CELF4: variants seen among roughly 807,000 people sequenced by gnomAD.
CELF4 encodes CUG-BP- and ETR-3-like factor 4.
Under a neutral mutation model 59.9 loss-of-function variants are expected in CELF4, and 18 were observed. The observed-to-expected ratio is 0.30, with a 90% CI of 0.21 to 0.45. The LOEUF is 0.45. Ranked by LOEUF, CELF4 falls within the 20% of genes least tolerant of loss-of-function variation. CELF4 has a pLI of 1.00. For synonymous variants in CELF4, 261 were observed against 267.1 expected (o/e 0.98, Z 0.22); for missense variants, 456 against 689.0 (o/e 0.66, Z 3.79).
At position 37,243,915 on chromosome 18, in the gene CELF4, C is replaced by T. The variant is rs1026054721; in HGVS notation, c.*1327G>A. 2.7e-5 allele frequency: 5 copies of T among 185,854 alleles called. No homozygotes were observed. The highest frequency in any genetic ancestry group is 7.2e-5 in the African/African-American group (3 of 41,780). The allele number at this position is 185,854 out of a possible 1,614,324, so 11.5% of individuals were successfully genotyped here. On this transcript the variant is annotated 3_prime_UTR_variant, in exon 13 of 13. Transcript: ENST00000420428. ...AAGCGAGAGGCGAGGATGACGGCGGCGGCGGCGGCGGCGACCCGGGCGACG... is the reference window on the plus strand; with the variant it reads ...AAGCGAGAGGCGAGGATGACGGCGGTGGCGGCGGCGGCGACCCGGGCGACG...
At chr18:37,460,173 A>G (rs1408705234) in intron 2 of CELF4, among the ~76,000 whole-genome samples, 2 of 152,204 alleles carry the variant, frequency 1.3e-5, no homozygotes, top group African/African-American at 4.8e-5. Flanking sequence ...GGGTCTGTGT[A>G]GAGATCTTAA....
At chr18:37,316,406 G>A (rs1296911987) in intron 3 of CELF4, among the ~76,000 whole-genome samples, 1 of 152,140 alleles carries the variant, frequency 6.6e-6, no homozygotes, top group African/African-American at 2.4e-5. Context: ...TCCTGGGGAG[G>A]CTCTTCTTTG....
intron 1 of CELF4, among the ~76,000 whole-genome samples, chr18:37,542,675 C>T (rs550357129): frequency 7.9e-4 from 120 of 152,252 alleles, no homozygotes; most frequent in African/African-American, 1.7e-3. Flanking sequence ...GCTGGGGATA[C>T]GGTAAATGAT....
In CELF4 at chr18:37,343,072, A is replaced by C. The variant is rs192512142; in HGVS notation, c.370-21191T>G. ...CTGGAAGGGTGTGCACCGTGTGACCACAGGTGAGAATCGCTGGTGTGCTAA... is the reference window on the plus strand; with the variant it reads ...CTGGAAGGGTGTGCACCGTGTGACCCCAGGTGAGAATCGCTGGTGTGCTAA... On this transcript the variant is annotated intron_variant, in intron 2 of 12. Coordinates refer to ENST00000420428, the MANE Select transcript of CELF4 (RefSeq NM_020180.4). 3.9e-5 allele frequency among the ~76,000 whole-genome samples: 6 copies of C among 152,336 alleles called. No homozygotes were observed. The East Asian group carries it at 1.2e-3, about 29-fold the overall frequency.
At chr18:37,255,774 G>A (rs1418086718) in intron 11 of CELF4, among the ~76,000 whole-genome samples, 2 of 152,268 alleles carry the variant, frequency 1.3e-5, no homozygotes, top group East Asian at 1.9e-4. Context: ...GACTATGGGG[G>A]ACATGCTGCC....
In CELF4 at chr18:37,275,108, C is replaced by G. The variant is rs530158367; in HGVS notation, c.577+7G>C. ...CGGGGCATCCCTCCCGGCCCCGCCC[C>G]GCGCACCCTTGCTGTTGCCGTCGGG... On this transcript the variant is annotated splice_region_variant and intron_variant, in intron 4 of 12. Transcript: ENST00000420428. 18 of 1,612,422 alleles carry G rather than the reference C, an allele frequency of 1.1e-5. No homozygotes were observed. The highest frequency in any genetic ancestry group is 1.5e-5 in the Non-Finnish European group (18 of 1,179,536).
intron 1 of CELF4, among the ~76,000 whole-genome samples, chr18:37,502,484 ATC>A (rs1016541316): frequency 1.3e-5 from 2 of 152,134 alleles, no homozygotes; most frequent in African/African-American, 4.8e-5. Context: ...GGATGTAATC[ATC>A]TCTCACCGGG....
chr18:37,477,790 C>G (rs1009470098), intron 2 of CELF4, among the ~76,000 whole-genome samples: 1 of 152,328 alleles, frequency 6.6e-6, no homozygotes. Context: ...GCCAGACACC[C>G]TCCCTCCCAC....
chr18:37,451,716 C>A (rs2099764640), intron 2 of CELF4, among the ~76,000 whole-genome samples: 1 of 152,150 alleles, frequency 6.6e-6, no homozygotes, highest in South Asian at 2.1e-4. Flanking sequence ...GTCAGCACAC[C>A]CTGAAGAGCC....
At chr18:37,352,931 C>T (rs2098472131) in intron 2 of CELF4, among the ~76,000 whole-genome samples, 1 of 152,026 alleles carries the variant, frequency 6.6e-6, no homozygotes, top group South Asian at 2.1e-4. Flanking sequence ...AGAACAAGAA[C>T]CCTTTCTTGG....
chr18:37,289,536 C>T (rs1432832785), intron 3 of CELF4, among the ~76,000 whole-genome samples: 1 of 151,922 alleles, frequency 6.6e-6, no homozygotes, highest in Non-Finnish European at 1.5e-5. Flanking sequence ...AGCTAGTACG[C>T]CCCAGCTCGT....
At chr18:37,297,023 A>G (rs2095686508) in intron 3 of CELF4, among the ~76,000 whole-genome samples, 1 of 152,108 alleles carries the variant, frequency 6.6e-6, no homozygotes. Context: ...CCAGAAATCA[A>G]CTAGGGAGAT....
At chr18:37,547,992 T>C (rs929732621) in intron 1 of CELF4, among the ~76,000 whole-genome samples, 2 of 152,130 alleles carry the variant, frequency 1.3e-5, no homozygotes, top group Non-Finnish European at 2.9e-5. Context: ...TGCTTGCATA[T>C]ATGAGTATCT....
chr18:37,288,877 G>A (rs1328432863), intron 3 of CELF4, among the ~76,000 whole-genome samples: 2 of 152,108 alleles, frequency 1.3e-5, no homozygotes, highest in Non-Finnish European at 2.9e-5. Context: ...AGAGAATAGA[G>A]AACAGAAATA....
rs2061028532 is a variant in CELF4, at chr18:37,243,684, T to C, written c.*1558A>G. 1 of 152,540 alleles carries C rather than the reference T, an allele frequency of 6.6e-6. No individual in the cohort carries two copies. Among genetic ancestry groups the C allele is most frequent in the Non-Finnish European group, 1.5e-5 (1 of 68,262 alleles). 9.4% of individuals were successfully genotyped at this position (152,540 alleles called of 1,614,324 possible). On this transcript the variant is annotated 3_prime_UTR_variant, in exon 13 of 13. Coordinates refer to ENST00000420428, the MANE Select transcript of CELF4 (RefSeq NM_020180.4). Reference sequence around the variant, plus strand: ...CCGGCATCATTTAAACATCCCTGTTTTTCAAAATTCCTTGTAAACAGTTTC... The same window carrying C: ...CCGGCATCATTTAAACATCCCTGTTCTTCAAAATTCCTTGTAAACAGTTTC...
chr18:37,316,076 T>C (rs759984437), intron 3 of CELF4, among the ~76,000 whole-genome samples: 3 of 152,068 alleles, frequency 2.0e-5, no homozygotes, highest in African/African-American at 7.2e-5. Flanking sequence ...GGGACACCCA[T>C]GGAGACTCCA....
At chr18:37,364,076 T>C (rs1192751661) in intron 2 of CELF4, among the ~76,000 whole-genome samples, 1 of 152,234 alleles carries the variant, frequency 6.6e-6, no homozygotes, top group East Asian at 1.9e-4. Flanking sequence ...CTTTGTTCTA[T>C]GCAATACCTT....
At chr18:37,437,018 C>T (rs2099694861) in intron 2 of CELF4, among the ~76,000 whole-genome samples, 1 of 152,124 alleles carries the variant, frequency 6.6e-6, no homozygotes, top group Non-Finnish European at 1.5e-5. Flanking sequence ...GGATAGAAAT[C>T]CTCTCACTCA....
chr18:37,562,582 A>C (rs1170986857), intron 1 of CELF4, among the ~76,000 whole-genome samples: 1 of 152,164 alleles, frequency 6.6e-6, no homozygotes, highest in African/African-American at 2.4e-5. Context: ...AGATGGGGAA[A>C]TCTAGAAACC....
Sources: allele counts gnomAD v4.1 joint callset (sites outside exome capture counted in the v4.1 genomes callset), GRCh38; gene constraint gnomAD v4.1.1; transcripts MANE v1.5; gene names NCBI Gene and HGNC (gene_info 2026-07-23, HGNC 2026-07-21).